SYN3: variants seen among roughly 807,000 people sequenced by gnomAD.
SYN3 encodes synapsin III.
SYN3 carries 35 observed loss-of-function variants against 65.8 expected under a neutral mutation model. That is an observed-to-expected ratio of 0.53 (90% CI 0.41 to 0.70). The LOEUF (loss-of-function observed/expected upper bound fraction) is 0.70, where lower values mean the gene tolerates loss of function less well. Among genes scored for constraint, SYN3 ranks in the 30% least tolerant of loss-of-function variants. The probability of loss-of-function intolerance (pLI) is 0.00; values close to 1 mark genes in which losing one functional copy is unlikely to be tolerated. For synonymous variants in SYN3, 270 were observed against 292.9 expected, an observed-to-expected ratio of 0.92 and a Z score of 0.80; for missense variants, 680 against 749.0, an observed-to-expected ratio of 0.91 and a Z score of 1.08.
At chr22:32,685,746 T>C (rs945125609) in intron 6 of SYN3, among the ~76,000 whole-genome samples, 2 of 152,242 alleles carry the variant, frequency 1.3e-5, no homozygotes, top group Non-Finnish European at 2.9e-5. Context: ...AGTCATTAAC[T>C]GATGCAATAC....
chr22:32,964,299 A>G (rs1601799826), intron 3 of SYN3, among the ~76,000 whole-genome samples: 1 of 113,448 alleles, frequency 8.8e-6, no homozygotes. Context: ...GGGAGGGGGG[A>G]GGGATAGCAT....
At chr22:32,608,335 G>T (rs903004784) in intron 6 of SYN3, among the ~76,000 whole-genome samples, 1 of 152,240 alleles carries the variant, frequency 6.6e-6, no homozygotes, top group Non-Finnish European at 1.5e-5. Flanking sequence ...TTCCCAAAGT[G>T]TTGGGATTAC....
chr22:32,547,420 T>C (rs1407467326), intron 7 of SYN3, among the ~76,000 whole-genome samples: 1 of 152,186 alleles, frequency 6.6e-6, no homozygotes. Flanking sequence ...TCCTTCAGTT[T>C]TCCTGACCTC....
At chr22:32,634,877 A>G (rs2059793095) in intron 6 of SYN3, among the ~76,000 whole-genome samples, 1 of 151,912 alleles carries the variant, frequency 6.6e-6, no homozygotes, top group Non-Finnish European at 1.5e-5. Context: ...ACAGCTTTGA[A>G]TGTGGCCCAA....
intron 7 of SYN3, among the ~76,000 whole-genome samples, chr22:32,554,788 C>A (rs73154305): frequency 0.076 from 11,521 of 152,172 alleles, 539 homozygotes; most frequent in African/African-American, 0.13. Flanking sequence ...ACACCCTTCT[C>A]TAGAAGTAAA....
chr22:32,796,332 T>C (rs1194179953), intron 6 of SYN3, among the ~76,000 whole-genome samples: 1 of 152,208 alleles, frequency 6.6e-6, no homozygotes, highest in African/African-American at 2.4e-5. Context: ...ATGTGTTTTC[T>C]GGCTTAAAAA....
chr22:32,601,929 C>A (rs1421457429), intron 6 of SYN3, among the ~76,000 whole-genome samples: 1 of 138,998 alleles, frequency 7.2e-6, no homozygotes, highest in East Asian at 2.0e-4. Flanking sequence ...ACTCCCAGAG[C>A]TTTTCTTTTC....
chr22:32,810,519 T>C (rs1459921024), intron 6 of SYN3, among the ~76,000 whole-genome samples: 8 of 128,546 alleles, frequency 6.2e-5, no homozygotes, highest in East Asian at 2.6e-4. Context: ...CCCTAGATGA[T>C]TGGGCGGGGG....
intron 9 of SYN3, among the ~76,000 whole-genome samples, chr22:32,536,975 C>T (rs984896552): frequency 3.9e-5 from 6 of 152,130 alleles, no homozygotes; most frequent in Admixed American, 1.3e-4. Flanking sequence ...CATCCTTTAG[C>T]GCTCAGCACA....
At chr22:32,612,927 G>A (rs2059465906) in intron 6 of SYN3, among the ~76,000 whole-genome samples, 1 of 152,184 alleles carries the variant, frequency 6.6e-6, no homozygotes, top group Non-Finnish European at 1.5e-5. Flanking sequence ...CCAATGTTGG[G>A]AGGAGGGACC....
rs58025844 is a variant in SYN3, at chr22:32,962,129, C to CTTTT, written c.369+18512_369+18515dup. On this transcript the variant is annotated intron_variant, in intron 3 of 13. Transcript: ENST00000358763. ...AGGAGCCTGTTTACTTTTAGAATCT[C>CTTTT]TTTTTTTTTTTTTTTTTTTTTTTTT... Among the ~76,000 whole-genome samples the CTTTT allele has an allele frequency of 1.1e-3, 121 of 107,202 alleles. 3 individuals carry two copies. Among genetic ancestry groups the CTTTT allele is most frequent in the African/African-American group, 3.6e-3 (98 of 26,920 alleles). The allele number at this position is 107,202 out of a possible 152,430, so 70.3% of individuals were successfully genotyped here.
At chr22:32,773,446 T>C (rs2045827745) in intron 6 of SYN3, among the ~76,000 whole-genome samples, 1 of 144,850 alleles carries the variant, frequency 6.9e-6, no homozygotes, top group South Asian at 2.2e-4. Flanking sequence ...AACGCAACAG[T>C]GACAGTAGTG....
Position 32,509,157 on chromosome 22 carries a change from G to A in SYN3, c.*4535C>T, listed in dbSNP as rs1046025832. 9.9e-5 allele frequency among the ~76,000 whole-genome samples: 15 copies of A among 152,142 alleles called. No homozygotes were observed. The highest frequency in any genetic ancestry group is 2.7e-4 in the African/African-American group (11 of 41,432). ...AACCAAAGTACGGTACCATTTTATC[G>A]CGCTGACGGGAGGAAGATCTGGAAG... On this transcript the variant is annotated 3_prime_UTR_variant, in exon 14 of 14. Coordinates refer to ENST00000358763, the MANE Select transcript of SYN3 (RefSeq NM_003490.4).
intron 7 of SYN3, among the ~76,000 whole-genome samples, chr22:32,580,966 G>T (rs530551946): frequency 4.6e-5 from 7 of 152,326 alleles, no homozygotes; most frequent in Non-Finnish European, 8.8e-5. Flanking sequence ...ATTTTAACAA[G>T]ATCCCCTGGG....
At chr22:32,516,766 C>G (rs2057785097) in intron 13 of SYN3, among the ~76,000 whole-genome samples, 1 of 151,576 alleles carries the variant, frequency 6.6e-6, no homozygotes, top group South Asian at 2.1e-4. Context: ...CTAATCCCAG[C>G]TCTTCTAGTT....
At chr22:32,811,327 C>T (rs971671188) in intron 6 of SYN3, among the ~76,000 whole-genome samples, 17 of 152,246 alleles carry the variant, frequency 1.1e-4, no homozygotes, top group African/African-American at 2.6e-4. Flanking sequence ...TTAGTCTATA[C>T]AAGAGACTGA....
intron 4 of SYN3, among the ~76,000 whole-genome samples, chr22:32,883,340 C>G (rs1376629069): frequency 6.6e-6 from 1 of 152,214 alleles, no homozygotes; most frequent in African/African-American, 2.4e-5. Flanking sequence ...ATCTTGATGG[C>G]TTCCAGCTCA....
intron 6 of SYN3, among the ~76,000 whole-genome samples, chr22:32,831,293 C>T (rs750560806): frequency 2.0e-5 from 3 of 152,228 alleles, no homozygotes; most frequent in South Asian, 2.1e-4. Flanking sequence ...AGAGGGAGGA[C>T]GGGGCTGGAT....
At chr22:32,648,782 A>C (rs1381755476) in intron 6 of SYN3, among the ~76,000 whole-genome samples, 1 of 152,250 alleles carries the variant, frequency 6.6e-6, no homozygotes, top group African/African-American at 2.4e-5. Flanking sequence ...AGCCTGGCTC[A>C]CAGCAAACAA....
Sources: allele counts gnomAD v4.1 joint callset (sites outside exome capture counted in the v4.1 genomes callset), GRCh38; gene constraint gnomAD v4.1.1; transcripts MANE v1.5; gene names NCBI Gene and HGNC (gene_info 2026-07-23, HGNC 2026-07-21).